ZC3H18: variants seen among roughly 807,000 people sequenced by gnomAD.
The protein encoded by ZC3H18 is zinc finger CCCH domain-containing protein 18.
A neutral mutation model predicts 106.1 loss-of-function variants in ZC3H18; 8 were observed. That is an observed-to-expected ratio of 0.08 (90% CI 0.04 to 0.14). The LOEUF (loss-of-function observed/expected upper bound fraction) is 0.14. ZC3H18 is among the 10% of genes least tolerant of loss of function. The pLI is 1.00. For synonymous variants in ZC3H18, 635 were observed against 522.1 expected (o/e 1.22, Z -2.95); for missense variants, 1,318 against 1,278.4 (o/e 1.03, Z -0.47).
At chr16:88,628,980 G>T in intron 16 of ZC3H18, 126 bp downstream of exon 16, 1 of 822,706 alleles carries the variant, frequency 1.2e-6, no homozygotes, top group Non-Finnish European at 2.0e-6. Flanking sequence ...CTGACTTGCA[G>T]ATGATGCCTG....
At chr16:88,621,294 G>A (rs147289258) in intron 8 of ZC3H18, among the ~76,000 whole-genome samples, 141 of 148,896 alleles carry the variant, frequency 9.5e-4, no homozygotes, top group African/African-American at 3.3e-3. Context: ...GCGCGATCTC[G>A]GCTCACTGCA....
At chr16:88,607,348 G>C (rs757718835) in intron 6 of ZC3H18, among the ~76,000 whole-genome samples, 1 of 152,178 alleles carries the variant, frequency 6.6e-6, no homozygotes, top group African/African-American at 2.4e-5. Flanking sequence ...GGGTTTTCTT[G>C]GCTGTTCTTG....
chr16:88,598,097 CTCCCACCCCCCA>C, intron 3 of ZC3H18, 69 bp from the exon 4 acceptor site: 5 of 336,756 alleles, frequency 1.5e-5, no homozygotes, highest in Non-Finnish European at 1.7e-5. Flanking sequence ...CCTCTGCCCC[CTCCCACCCCCCA>C]CCCCAGCAGC....
chr16:88,574,729 G>A (rs1914633450), intron 1 of ZC3H18, among the ~76,000 whole-genome samples: 2 of 142,090 alleles, frequency 1.4e-5, no homozygotes, highest in South Asian at 4.4e-4. Flanking sequence ...GCCCAAGCTG[G>A]TCTAGAACTC....
intron 12 of ZC3H18, 142 bp from the exon 13 acceptor site, chr16:88,625,060 G>A (rs577641052): frequency 7.0e-6 from 7 of 1,004,574 alleles, no homozygotes; most frequent in Non-Finnish European, 1.0e-5. Context: ...TGAGCCTAAA[G>A]GAAGACAGGC....
chr16:88,588,225 G>A (rs978866753), intron 3 of ZC3H18, among the ~76,000 whole-genome samples: 1 of 152,238 alleles, frequency 6.6e-6, no homozygotes, highest in Non-Finnish European at 1.5e-5. Flanking sequence ...CTGTATGAAA[G>A]TGATGGAGAA....
chr16:88,570,647 C>G (rs8051558), intron 1 of ZC3H18, 81 bp downstream of exon 1: 31,072 of 150,472 alleles, frequency 0.21, 3,919 homozygotes, highest in Non-Finnish European at 0.29. Context: ...CGGCGGCGGC[C>G]GCGGGAGGGA....
At chr16:88,612,423 G>T (rs1217676336) in intron 8 of ZC3H18, among the ~76,000 whole-genome samples, 1 of 151,748 alleles carries the variant, frequency 6.6e-6, no homozygotes, top group Non-Finnish European at 1.5e-5. Flanking sequence ...CTGCACTTTG[G>T]GAGGCTGAGG....
chr16:88,610,060 G>C (rs1269932576), intron 7 of ZC3H18, among the ~76,000 whole-genome samples: 3 of 152,064 alleles, frequency 2.0e-5, no homozygotes, highest in African/African-American at 7.3e-5. Context: ...AGCTTGTTAA[G>C]TCTGTTCCGG....
At chr16:88,600,783 T>G (rs1904708164) in intron 6 of ZC3H18, among the ~76,000 whole-genome samples, 2 of 152,300 alleles carry the variant, frequency 1.3e-5, no homozygotes, top group South Asian at 4.1e-4. Context: ...GGAAGTCAGA[T>G]CTTGGGGGAT....
At chr16:88,603,923 G>A (rs1004086846) in intron 6 of ZC3H18, among the ~76,000 whole-genome samples, 5 of 151,534 alleles carry the variant, frequency 3.3e-5, no homozygotes, top group Non-Finnish European at 7.4e-5. Context: ...GTGAGCCACC[G>A]TGCCCAGCCC....
At chr16:88,623,369 G>T in intron 10 of ZC3H18, 25 bp downstream of exon 10, 2 of 1,609,088 alleles carry the variant, frequency 1.2e-6, no homozygotes, top group Admixed American at 1.7e-5. Context: ...CCCATGAAGG[G>T]CCCTCAGCAG....
intron 17 of ZC3H18, among the ~76,000 whole-genome samples, 155 bp downstream of exon 17, chr16:88,630,736 G>A (rs1347617895): frequency 7.5e-6 from 1 of 134,162 alleles, no homozygotes; most frequent in Non-Finnish European, 1.6e-5. Context: ...CATGGACAGC[G>A]AATTGCAGCC....
chr16:88,593,026 G>C (rs769216117), intron 3 of ZC3H18, among the ~76,000 whole-genome samples: 1 of 152,118 alleles, frequency 6.6e-6, no homozygotes, highest in Non-Finnish European at 1.5e-5. Context: ...TATAAGTTAC[G>C]CACAGTAAGA....
intron 2 of ZC3H18, among the ~76,000 whole-genome samples, chr16:88,579,940 C>G (rs780099792): frequency 4.4e-4 from 67 of 152,138 alleles, no homozygotes; most frequent in Non-Finnish European, 1.5e-4. Context: ...AGGCCTTTAA[C>G]CAAGGTGGGC....
intron 8 of ZC3H18, among the ~76,000 whole-genome samples, chr16:88,615,972 C>T (rs1003616516): frequency 6.6e-6 from 1 of 152,204 alleles, no homozygotes. Context: ...TTTAGTGACC[C>T]GCGGAATGGG....
At position 88,611,511 on chromosome 16, in the gene ZC3H18, A is replaced by G; in HGVS notation, c.1450A>G (p.Lys484Glu). 6.5e-7 allele frequency: 1 copy of G among 1,550,336 alleles called. No homozygotes were observed. Among genetic ancestry groups the G allele is most frequent in the Non-Finnish European group, 8.7e-7 (1 of 1,146,718 alleles). The stretch of plus-strand genomic sequence containing the variant: ...GCGGGAGAAGGAGAAGGGGAAGCCC[A>G]AGCCCCGCTCCCCGCAGCCGCCAAG... ...KEREKEKGKP[K>E]PRSPQPPSRQ... Residue 484 changes from lysine to glutamate, a missense_variant, in exon 8 of 18, where the codon AAG becomes GAG. Physicochemically the swap from Lys to Glu is moderately conservative, Grantham distance 56 (BLOSUM62 1). Transcript: ENST00000301011.
chr16:88,611,085 T>G (rs898977026), intron 7 of ZC3H18, among the ~76,000 whole-genome samples, 183 bp from the exon 8 acceptor site: 4 of 152,214 alleles, frequency 2.6e-5, no homozygotes, highest in African/African-American at 9.6e-5. Context: ...CCATCTCCTC[T>G]GTACTCCACC....
intron 3 of ZC3H18, among the ~76,000 whole-genome samples, chr16:88,594,926 C>T (rs1016278430): frequency 6.6e-4 from 100 of 152,110 alleles, no homozygotes; most frequent in African/African-American, 2.4e-3. Flanking sequence ...CCGAGGCGGG[C>T]GGATCACCTG....
Sources: allele counts gnomAD v4.1 joint callset (sites outside exome capture counted in the v4.1 genomes callset), GRCh38; gene constraint gnomAD v4.1.1; transcripts MANE v1.5; gene names NCBI Gene and HGNC (gene_info 2026-07-23, HGNC 2026-07-21).